Variants in RHBDL3 observed in about 807,000 individuals in gnomAD.
RHBDL3 encodes rhomboid like 3.
Under a neutral mutation model 48.2 loss-of-function variants are expected in RHBDL3, and 28 were observed. That is an observed-to-expected ratio of 0.58 (90% CI 0.43 to 0.80). The LOEUF is 0.80. RHBDL3 is among the 30% of genes least tolerant of loss of function. The pLI is 0.00. For missense variants in RHBDL3, 464 were observed against 542.7 expected, an observed-to-expected ratio of 0.85 and a Z score of 1.44; for synonymous variants, 208 against 232.3, an observed-to-expected ratio of 0.90 and a Z score of 0.95.
At chr17:32,296,916 C>T (rs2040465046) in intron 5 of RHBDL3, among the ~76,000 whole-genome samples, 2 of 151,912 alleles carry the variant, frequency 1.3e-5, no homozygotes, top group Admixed American at 6.6e-5. Flanking sequence ...CAGGTTCAAG[C>T]TATTCTCCTG....
chr17:32,282,933 A>G (rs1395707529), intron 2 of RHBDL3, among the ~76,000 whole-genome samples: 1 of 152,054 alleles, frequency 6.6e-6, no homozygotes, highest in African/African-American at 2.4e-5. Context: ...TCTGTGGAGA[A>G]TTGAAATAGC....
chr17:32,290,431 T>C (rs1418696139), intron 4 of RHBDL3, among the ~76,000 whole-genome samples: 2 of 152,188 alleles, frequency 1.3e-5, no homozygotes, highest in African/African-American at 4.8e-5. Context: ...ACCTCAGCTA[T>C]GTAAACCCGA....
chr17:32,280,130 C>T lies in RHBDL3; in HGVS notation c.136-4529C>T, dbSNP rs562891187. ...CAGGCTGAATGTGGACTTGGCCGCC[C>T]CTCCCTCCAAGGCACTGAGCCCTAT... is the stretch of plus-strand genomic sequence containing the variant. On this transcript the variant is annotated intron_variant, in intron 2 of 8. Transcript: ENST00000269051. Among the ~76,000 whole-genome samples the T allele has an allele frequency of 6.6e-5, 10 of 152,306 alleles. No individual in the cohort carries two copies. The East Asian group carries it at 1.9e-3, about 30-fold the overall frequency.
Position 32,266,305 on chromosome 17 carries a change from G to T in RHBDL3, c.111+5G>T. The T allele has an allele frequency of 3.5e-6, 5 of 1,437,066 alleles. No homozygotes were observed. The highest frequency in any genetic ancestry group is 4.6e-6 in the Non-Finnish European group (5 of 1,090,204). The allele number at this position is 1,437,066 out of a possible 1,614,324, so 89.0% of individuals were successfully genotyped here. On this transcript the variant is annotated splice_donor_5th_base_variant and intron_variant, in intron 1 of 8. Transcript: ENST00000269051. ...CTGCCCGCGGCGCCGGAGGACGTGA[G>T]TGCCCCCTCCCCGCCCGGCAAACTT... is the stretch of plus-strand genomic sequence containing the variant.
chr17:32,300,596 T>C (rs186607556), intron 6 of RHBDL3, among the ~76,000 whole-genome samples: 2 of 152,250 alleles, frequency 1.3e-5, no homozygotes, highest in East Asian at 3.9e-4. Flanking sequence ...CCTTAATAGA[T>C]GTCTGGCAGC....
chr17:32,272,834 G>T (rs12942042), intron 2 of RHBDL3, among the ~76,000 whole-genome samples: 18,854 of 152,208 alleles, frequency 0.12, 1,416 homozygotes, highest in Non-Finnish European at 0.16. Flanking sequence ...AGCTCTGCAT[G>T]CATTGTCTTG....
intron 4 of RHBDL3, among the ~76,000 whole-genome samples, chr17:32,290,530 CT>C (rs913291146): frequency 1.3e-5 from 2 of 152,124 alleles, no homozygotes; most frequent in African/African-American, 4.8e-5. Flanking sequence ...AGGCTTTTGT[CT>C]TCTATACAGT....
At chr17:32,296,361 A>C (rs1597656930) in intron 5 of RHBDL3, among the ~76,000 whole-genome samples, 1 of 87,652 alleles carries the variant, frequency 1.1e-5, no homozygotes, top group African/African-American at 4.5e-5. Context: ...TTTGAGATGG[A>C]GTCTCGTTGT....
intron 7 of RHBDL3, among the ~76,000 whole-genome samples, chr17:32,309,572 A>G (rs1239529274): frequency 6.6e-6 from 1 of 152,070 alleles, no homozygotes; most frequent in Non-Finnish European, 1.5e-5. Context: ...AAGAAAAAGC[A>G]TGGACTTGAG....
chr17:32,281,474 C>T (rs2150703299), intron 2 of RHBDL3, among the ~76,000 whole-genome samples: 1 of 152,180 alleles, frequency 6.6e-6, no homozygotes, highest in East Asian at 1.9e-4. Flanking sequence ...TGCCGCAGAC[C>T]AATGGCCCTC....
At chr17:32,275,539 C>A (rs1296924067) in intron 2 of RHBDL3, among the ~76,000 whole-genome samples, 2 of 147,892 alleles carry the variant, frequency 1.4e-5, no homozygotes, top group Admixed American at 1.3e-4. Flanking sequence ...CAGCTGCATG[C>A]GTTCCAGGGA....
rs557818348 is a variant in RHBDL3 at position 32,323,124 on chromosome 17, T to C, written c.*1895T>C. 2.0e-5 allele frequency: 3 copies of C among 152,526 alleles called. No homozygotes were observed. The East Asian group carries it at 5.8e-4, about 29-fold the overall frequency. The allele number at this position is 152,526 out of a possible 1,614,324, so 9.4% of individuals were successfully genotyped here. A position where few individuals can be genotyped will look rare whatever the true frequency, so the allele number is the denominator to read the frequency against. On this transcript the variant is annotated 3_prime_UTR_variant, in exon 9 of 9. Transcript: ENST00000269051. ...CCAGCCATACCGCATCTTGGCCCAC[T>C]GCTAAATAGATTGCCCTGGCCTCAT... is the stretch of plus-strand genomic sequence containing the variant.
At chr17:32,308,136 A>G (rs913150918) in intron 7 of RHBDL3, among the ~76,000 whole-genome samples, 1 of 152,118 alleles carries the variant, frequency 6.6e-6, no homozygotes, top group Non-Finnish European at 1.5e-5. Flanking sequence ...GTTCCAGTTG[A>G]TGCTTCTCTC....
rs1042594153 is a variant in RHBDL3, at chr17:32,266,320, C to T, written c.111+20C>T. 4.8e-5 allele frequency: 65 copies of T among 1,352,714 alleles called. No individual in the cohort carries two copies. In the African/African-American group the frequency reaches 8.9e-4, roughly 19 times the overall value. The allele number at this position is 1,352,714 out of a possible 1,614,324, so 83.8% of individuals were successfully genotyped here. A position where few individuals can be genotyped will look rare whatever the true frequency, so the allele number is the denominator to read the frequency against. On this transcript the variant is annotated intron_variant, in intron 1 of 8. Transcript: ENST00000269051. ...GAGGACGTGAGTGCCCCCTCCCCGC[C>T]CGGCAAACTTTCTAGGGGGCGCCGG...
chr17:32,270,671 C>G (rs1334954900), intron 2 of RHBDL3, among the ~76,000 whole-genome samples: 1 of 152,046 alleles, frequency 6.6e-6, no homozygotes, highest in African/African-American at 2.4e-5. Context: ...ATGCCACGCA[C>G]CCTCACTCCC....
intron 7 of RHBDL3, among the ~76,000 whole-genome samples, chr17:32,314,375 G>A (rs1160227727): frequency 6.6e-6 from 1 of 151,808 alleles, no homozygotes; most frequent in Non-Finnish European, 1.5e-5. Context: ...CATGGGTATC[G>A]CTTTTTTTTA....
chr17:32,309,336 TGAGGTTGG>T (rs1044084040), intron 7 of RHBDL3, among the ~76,000 whole-genome samples: 5 of 151,726 alleles, frequency 3.3e-5, no homozygotes, highest in African/African-American at 1.2e-4. Flanking sequence ...GCGGATCAAC[TGAGGTTGG>T]GAGTTTGCGA....
intron 5 of RHBDL3, among the ~76,000 whole-genome samples, chr17:32,296,649 A>G (rs1319504431): frequency 2.0e-5 from 3 of 151,834 alleles, no homozygotes; most frequent in Non-Finnish European, 4.4e-5. Flanking sequence ...CTCTTCTTAT[A>G]CCAGTAAAGA....
intron 4 of RHBDL3, among the ~76,000 whole-genome samples, chr17:32,291,015 A>AG (rs1295152587): frequency 6.7e-6 from 1 of 149,486 alleles, no homozygotes; most frequent in Non-Finnish European, 1.5e-5. Context: ...AAAAAAAAAA[A>AG]AAAAAAGGAA....
Sources: allele counts gnomAD v4.1 joint callset (sites outside exome capture counted in the v4.1 genomes callset), GRCh38; gene constraint gnomAD v4.1.1; transcripts MANE v1.5; gene names NCBI Gene and HGNC (gene_info 2026-07-23, HGNC 2026-07-21).